HS3ST2: variants seen among roughly 807,000 people sequenced by gnomAD.
HS3ST2 encodes heparan sulfate glucosamine 3-O-sulfotransferase 2.
HS3ST2 carries 17 observed loss-of-function variants against 26.3 expected under a neutral mutation model. The observed-to-expected ratio is 0.65, with a 90% CI of 0.44 to 0.97. HS3ST2 has a LOEUF of 0.97. Ranked by LOEUF, HS3ST2 falls within the 50% of genes least tolerant of loss-of-function variation. The pLI, the probability that HS3ST2 is intolerant of heterozygous loss-of-function variation, is 0.00. For synonymous variants in HS3ST2, 237 were observed against 219.2 expected, an observed-to-expected ratio of 1.08 and a Z score of -0.72; for missense variants, 402 against 501.2, an observed-to-expected ratio of 0.80 and a Z score of 1.89.
chr16:22,914,207 C>T (rs748129137), intron 1 of HS3ST2, among the ~76,000 whole-genome samples: 7 of 151,616 alleles, frequency 4.6e-5, no homozygotes, highest in Non-Finnish European at 8.8e-5. Flanking sequence ...CCTCAAGTTT[C>T]CTCCCTAGAA....
rs568608705 is a variant in HS3ST2, at chr16:22,898,807, A to G, written c.486-16137A>G. ...ATGTAGGCAGCTGACTTCCCAGTGC[A>G]TGGCCCTTGCTCCCTCTATGATGAG... On this transcript the variant is annotated intron_variant, in intron 1 of 1. Coordinates refer to ENST00000261374, the MANE Select transcript of HS3ST2 (RefSeq NM_006043.2). Among the ~76,000 whole-genome samples the G allele has an allele frequency of 2.0e-5, 3 of 152,328 alleles. No individual in the cohort carries two copies. In the South Asian group the frequency reaches 6.2e-4, roughly 32 times the overall value.
intron 1 of HS3ST2, among the ~76,000 whole-genome samples, chr16:22,890,350 A>G (rs1281492815): frequency 2.6e-5 from 4 of 152,142 alleles, no homozygotes; most frequent in African/African-American, 9.7e-5. Context: ...ACCATAATAG[A>G]ATGATACTTT....
intron 1 of HS3ST2, among the ~76,000 whole-genome samples, chr16:22,843,765 T>G (rs1901393003): frequency 6.6e-6 from 1 of 152,042 alleles, no homozygotes; most frequent in South Asian, 2.1e-4. Context: ...TCTGTTGGGT[T>G]TTTATGGAAG....
chr16:22,833,521 T>A, intron 1 of HS3ST2: 1 of 363,420 alleles, frequency 2.8e-6, no homozygotes, highest in Non-Finnish European at 5.5e-6. Context: ...TCATAAACCA[T>A]GGTGTGGTAG....
chr16:22,871,312 C>T (rs543716074), intron 1 of HS3ST2, among the ~76,000 whole-genome samples: 1 of 150,524 alleles, frequency 6.6e-6, no homozygotes, highest in South Asian at 2.1e-4. Context: ...GCCAAGATTG[C>T]ACCACTGTAT....
chr16:22,911,849 T>C (rs1446063123), intron 1 of HS3ST2, among the ~76,000 whole-genome samples: 1 of 152,132 alleles, frequency 6.6e-6, no homozygotes, highest in African/African-American at 2.4e-5. Flanking sequence ...GTGGGCTGGG[T>C]GTGGTGGCTA....
chr16:22,878,006 G>A (rs147388306), intron 1 of HS3ST2, among the ~76,000 whole-genome samples: 1 of 152,298 alleles, frequency 6.6e-6, no homozygotes, highest in East Asian at 1.9e-4. Flanking sequence ...GCACGTTCTG[G>A]ACCAAGATGT....
chr16:22,882,233 A>T (rs926142423), intron 1 of HS3ST2, among the ~76,000 whole-genome samples: 7 of 152,086 alleles, frequency 4.6e-5, no homozygotes, highest in Admixed American at 1.3e-4. Flanking sequence ...ATGGCGGTGC[A>T]CACCTGTGGT....
At chr16:22,877,368 C>T (rs960990862) in intron 1 of HS3ST2, among the ~76,000 whole-genome samples, 2 of 152,156 alleles carry the variant, frequency 1.3e-5, no homozygotes, top group Non-Finnish European at 1.5e-5. Context: ...CTGACCGTGG[C>T]GTGCTCAGCG....
intron 1 of HS3ST2, among the ~76,000 whole-genome samples, chr16:22,911,082 AAT>A (rs1369890097): frequency 6.6e-6 from 1 of 152,222 alleles, no homozygotes; most frequent in African/African-American, 2.4e-5. Flanking sequence ...TGAAAAGACA[AAT>A]ATAAGATCAC....
intron 1 of HS3ST2, among the ~76,000 whole-genome samples, chr16:22,853,482 T>A (rs1901546495): frequency 6.6e-6 from 1 of 152,140 alleles, no homozygotes; most frequent in South Asian, 2.1e-4. Context: ...AAAGAGAGAA[T>A]TTAGGCCTCC....
At chr16:22,864,343 T>C (rs1901718918) in intron 1 of HS3ST2, among the ~76,000 whole-genome samples, 1 of 152,206 alleles carries the variant, frequency 6.6e-6, no homozygotes, top group African/African-American at 2.4e-5. Context: ...GGATATTTCA[T>C]GGAACCAAAC....
At chr16:22,855,559 TC>T (rs1901579548) in intron 1 of HS3ST2, among the ~76,000 whole-genome samples, 2 of 152,310 alleles carry the variant, frequency 1.3e-5, no homozygotes, top group South Asian at 2.1e-4. Context: ...TGGAAGGCTC[TC>T]CTGCCACCCT....
At chr16:22,823,509 A>G (rs779864899) in intron 1 of HS3ST2, among the ~76,000 whole-genome samples, 2 of 151,922 alleles carry the variant, frequency 1.3e-5, no homozygotes, top group African/African-American at 2.4e-5. Flanking sequence ...AAATCCAATG[A>G]TGGGCTGGGT....
chr16:22,860,775 T>C (rs1901662810), intron 1 of HS3ST2, among the ~76,000 whole-genome samples: 1 of 151,654 alleles, frequency 6.6e-6, no homozygotes, highest in African/African-American at 2.4e-5. Context: ...ATATCATACA[T>C]ATTTAATAAT....
chr16:22,843,396 C>A (rs1163137712), intron 1 of HS3ST2, among the ~76,000 whole-genome samples: 2 of 152,228 alleles, frequency 1.3e-5, no homozygotes, highest in Non-Finnish European at 2.9e-5. Context: ...CTGCTCCCTC[C>A]TGCCCGCTAG....
intron 1 of HS3ST2, among the ~76,000 whole-genome samples, chr16:22,861,656 G>A (rs1051184575): frequency 2.0e-5 from 3 of 152,100 alleles, no homozygotes; most frequent in African/African-American, 7.2e-5. Context: ...AGCTGGGGAG[G>A]GAAACTCCTT....
chr16:22,915,552 G>C lies in HS3ST2; in HGVS notation c.1094G>C (p.Arg365Thr). ...KFYETVGQDF[R>T]WE ...TATGAAACCGTTGGGCAGGACTTCA[G>C]GTGGGAATAAGCCCACGAAAGGAAA... The change falls in exon 2 of 2, where the codon AGG (arginine) becomes ACG (threonine). Residue 365 changes from arginine to threonine, a missense_variant. Physicochemically the swap from Arg to Thr is moderately conservative, Grantham distance 71. Transcript: ENST00000261374. 1 of 1,612,456 alleles carries C rather than the reference G, an allele frequency of 6.2e-7. No individual in the cohort carries two copies. The highest frequency in any genetic ancestry group is 8.5e-7 in the Non-Finnish European group (1 of 1,179,090).
At position 22,893,634 on chromosome 16, in the gene HS3ST2, C is replaced by CTT. The variant is rs56664558; in HGVS notation, c.486-21296_486-21295dup. Among the ~76,000 whole-genome samples, 1,203 of 129,206 alleles carry CTT rather than the reference C, an allele frequency of 9.3e-3. 10 individuals carry two copies. The highest frequency in any genetic ancestry group is 0.022 in the African/African-American group (764 of 34,600). The allele number at this position is 129,206 out of a possible 152,430, so 84.8% of individuals were successfully genotyped here. On this transcript the variant is annotated intron_variant, in intron 1 of 1. Coordinates refer to ENST00000261374, the MANE Select transcript of HS3ST2 (RefSeq NM_006043.2). ...CTTTTCTTTTTTCTTTTTTTCTTTTCTTTTTTTTTTTTTTTAAATTTTTTG... is the reference window on the plus strand; with the variant it reads ...CTTTTCTTTTTTCTTTTTTTCTTTTCTTTTTTTTTTTTTTTTTAAATTTTTTG...
Sources: gnomAD v4.1 joint callset for allele counts (sites outside exome capture counted in the v4.1 genomes callset) on GRCh38, gnomAD v4.1.1 for gene constraint, MANE v1.5 for transcripts, NCBI Gene and HGNC (gene_info 2026-07-23, HGNC 2026-07-21) for gene names.